Variants in SLIT3 observed in about 807,000 individuals in gnomAD.
The protein encoded by SLIT3 is slit homolog 3 protein.
SLIT3 carries 68 observed loss-of-function variants against 184.0 expected under a neutral mutation model. The ratio of observed to expected loss-of-function variants is 0.37; its 90% CI spans 0.30 to 0.45. SLIT3 has a LOEUF of 0.45. Ranked by LOEUF, SLIT3 falls within the 20% of genes least tolerant of loss-of-function variation. The pLI, the probability that SLIT3 is intolerant of heterozygous loss-of-function variation, is 1.00. For missense variants in SLIT3, 1,707 were observed against 2,026.0 expected (o/e 0.84, Z 3.02); for synonymous variants, 831 against 828.6 (o/e 1.00, Z -0.05).
At chr5:168,938,562 G>A (rs181089400) in intron 4 of SLIT3, among the ~76,000 whole-genome samples, 7 of 152,244 alleles carry the variant, frequency 4.6e-5, no homozygotes, top group African/African-American at 1.7e-4. Flanking sequence ...TAAATTCAGG[G>A]TATTTAGATA....
chr5:169,137,794 CAA>C (rs1176994090), intron 4 of SLIT3, among the ~76,000 whole-genome samples: 6 of 151,784 alleles, frequency 4.0e-5, no homozygotes, highest in African/African-American at 7.3e-5. Context: ...CTTTCAGAGC[CAA>C]ACACGCAGTC....
intron 4 of SLIT3, among the ~76,000 whole-genome samples, chr5:168,969,078 GTAATAA>G (rs1581255007): frequency 6.6e-6 from 1 of 152,150 alleles, no homozygotes; most frequent in South Asian, 2.1e-4. Context: ...CAAACTTGAA[GTAATAA>G]TAATAATTAA....
At chr5:168,753,515 AT>A (rs773954194) in intron 17 of SLIT3, among the ~76,000 whole-genome samples, 1 of 152,336 alleles carries the variant, frequency 6.6e-6, no homozygotes, top group Admixed American at 6.5e-5. Context: ...TGCATATATC[AT>A]TTTTATAAAG....
At chr5:168,775,503 C>T (rs903392991) in intron 12 of SLIT3, among the ~76,000 whole-genome samples, 3 of 151,270 alleles carry the variant, frequency 2.0e-5, no homozygotes, top group African/African-American at 7.3e-5. Flanking sequence ...TACAATGGGA[C>T]CCTCACTCCA....
chr5:169,117,407 C>T (rs527949476), intron 4 of SLIT3, among the ~76,000 whole-genome samples: 12 of 151,706 alleles, frequency 7.9e-5, no homozygotes, highest in African/African-American at 2.9e-4. Context: ...CATGTTCTCC[C>T]CCGTCCCCTC....
chr5:168,692,540 A>T (rs1217718877), intron 29 of SLIT3, 67 bp downstream of exon 29: 1 of 1,084,396 alleles, frequency 9.2e-7, no homozygotes, highest in Non-Finnish European at 1.4e-6. Context: ...GAGACTGCCT[A>T]AAACCTAGAC....
chr5:169,208,355 A>C (rs1245335624), intron 3 of SLIT3, among the ~76,000 whole-genome samples: 1 of 152,174 alleles, frequency 6.6e-6, no homozygotes, highest in Non-Finnish European at 1.5e-5. Flanking sequence ...CTCCTTGCAG[A>C]GGTCCTTCAC....
At chr5:169,150,197 T>G (rs1246744802) in intron 4 of SLIT3, among the ~76,000 whole-genome samples, 2 of 152,212 alleles carry the variant, frequency 1.3e-5, no homozygotes, top group African/African-American at 4.8e-5. Context: ...TTTTTCTGAA[T>G]CTGCTCCCCG....
chr5:168,864,037 A>C (rs1172480869), intron 5 of SLIT3, among the ~76,000 whole-genome samples: 1 of 148,034 alleles, frequency 6.8e-6, no homozygotes, highest in Non-Finnish European at 1.5e-5. Flanking sequence ...CTCTATAAAA[A>C]AATACAAAAA....
chr5:168,882,739 A>G (rs1250450856), intron 5 of SLIT3, among the ~76,000 whole-genome samples: 2 of 152,200 alleles, frequency 1.3e-5, no homozygotes, highest in Non-Finnish European at 2.9e-5. Flanking sequence ...GCCAGTGGAA[A>G]TGGATCTGGC....
At chr5:169,078,464 T>C (rs963600162) in intron 4 of SLIT3, among the ~76,000 whole-genome samples, 3 of 151,878 alleles carry the variant, frequency 2.0e-5, no homozygotes, top group Non-Finnish European at 4.4e-5. Context: ...TTCAGAGTAG[T>C]CAAATGACCA....
chr5:168,745,825 C>A (rs927843530), intron 20 of SLIT3, among the ~76,000 whole-genome samples: 3 of 152,170 alleles, frequency 2.0e-5, no homozygotes, highest in Non-Finnish European at 2.9e-5. Flanking sequence ...AACCTCACTA[C>A]TGTCTTATTT....
chr5:169,123,054 A>C (rs1439625863), intron 4 of SLIT3, among the ~76,000 whole-genome samples: 1 of 152,196 alleles, frequency 6.6e-6, no homozygotes, highest in Non-Finnish European at 1.5e-5. Flanking sequence ...GGATCTTCAA[A>C]AACTTAATGG....
chr5:168,686,155 G>A (rs1761737929), intron 30 of SLIT3, among the ~76,000 whole-genome samples: 1 of 152,200 alleles, frequency 6.6e-6, no homozygotes. Context: ...GGTGGCATGA[G>A]CCTGTAGTCC....
intron 32 of SLIT3, among the ~76,000 whole-genome samples, chr5:168,676,163 TTCCATCCATCCA>T (rs113432099): frequency 6.0e-5 from 9 of 150,194 alleles, no homozygotes; most frequent in African/African-American, 9.8e-5. Flanking sequence ...ATCTACTCTC[TTCCATCCATCCA>T]TCCATCCATC....
At chr5:169,153,603 G>A (rs1762199169) in intron 4 of SLIT3, among the ~76,000 whole-genome samples, 2 of 152,198 alleles carry the variant, frequency 1.3e-5, no homozygotes, top group African/African-American at 4.8e-5. Flanking sequence ...TTGGCTCTAG[G>A]ACAGGCTGAA....
intron 4 of SLIT3, among the ~76,000 whole-genome samples, chr5:168,999,813 A>G (rs1334778105): frequency 6.6e-6 from 1 of 152,196 alleles, no homozygotes; most frequent in Admixed American, 6.5e-5. Flanking sequence ...GCAGGTACAG[A>G]GTGGACGCCC....
chr5:169,295,850 CAAG>C (rs2113666143), intron 1 of SLIT3, among the ~76,000 whole-genome samples: 1 of 152,328 alleles, frequency 6.6e-6, no homozygotes, highest in African/African-American at 2.4e-5. Context: ...TCAATTAATA[CAAG>C]AAGAGCAGCA....
rs1458166503 is a variant in SLIT3 at position 168,694,978 on chromosome 5, G to C, written c.3082+1314C>G. Among the ~76,000 whole-genome samples, 11 of 152,204 alleles carry C rather than the reference G, an allele frequency of 7.2e-5. 1 individual carries two copies. In the South Asian group the frequency reaches 2.3e-3, roughly 32 times the overall value. ...AGAAGCTTGTCTGGGGTCCTAGGAA[G>C]CCCAGGATTATTAGAGCAAGTGGTT... On this transcript the variant is annotated intron_variant, in intron 28 of 35. Coordinates refer to ENST00000519560, the MANE Select transcript of SLIT3 (RefSeq NM_003062.4).
Sources: gnomAD v4.1 joint callset for allele counts (sites outside exome capture counted in the v4.1 genomes callset) on GRCh38, gnomAD v4.1.1 for gene constraint, MANE v1.5 for transcripts, NCBI Gene and HGNC (gene_info 2026-07-23, HGNC 2026-07-21) for gene names.